TSPAN9: variants seen among roughly 807,000 people sequenced by gnomAD.
TSPAN9 encodes the protein tetraspanin 9.
A neutral mutation model predicts 31.0 loss-of-function variants in TSPAN9; 16 were observed. The observed-to-expected ratio is 0.52, with a 90% CI of 0.35 to 0.78. The LOEUF (loss-of-function observed/expected upper bound fraction) is 0.78. TSPAN9 is among the 30% of genes least tolerant of loss of function. The pLI is 0.01. For missense variants in TSPAN9, 272 were observed against 312.5 expected (o/e 0.87, Z 0.98); for synonymous variants, 145 against 121.6 (o/e 1.19, Z -1.27).
intron 2 of TSPAN9, among the ~76,000 whole-genome samples, chr12:3,130,150 G>A (rs1025788186): frequency 6.6e-6 from 1 of 152,096 alleles, no homozygotes; most frequent in African/African-American, 2.4e-5. Flanking sequence ...CGCTTCCCCC[G>A]GTGGCCAGCC....
chr12:3,155,515 C>T (rs771091119), intron 2 of TSPAN9, among the ~76,000 whole-genome samples: 1 of 152,048 alleles, frequency 6.6e-6, no homozygotes, highest in Non-Finnish European at 1.5e-5. Flanking sequence ...GGGAGGATCC[C>T]TTGAACCCAA....
At chr12:3,139,661 T>A (rs568080508) in intron 2 of TSPAN9, among the ~76,000 whole-genome samples, 1 of 152,266 alleles carries the variant, frequency 6.6e-6, no homozygotes, top group South Asian at 2.1e-4. Context: ...TTCTCCCACC[T>A]CAGCCTCCCG....
At chr12:3,217,256 G>A (rs1346089421) in intron 3 of TSPAN9, among the ~76,000 whole-genome samples, 2 of 152,196 alleles carry the variant, frequency 1.3e-5, no homozygotes, top group African/African-American at 2.4e-5. Context: ...CTGAGGTGTA[G>A]CATCCTGGGG....
intron 3 of TSPAN9, among the ~76,000 whole-genome samples, chr12:3,265,167 A>C (rs1476448903): frequency 2.0e-5 from 3 of 152,218 alleles, no homozygotes; most frequent in Non-Finnish European, 4.4e-5. Flanking sequence ...TCCCATGGGC[A>C]GGTTACTCTT....
At position 3,278,459 on chromosome 12, in the gene TSPAN9, C is replaced by T. The variant is rs1862833019; in HGVS notation, c.102C>T (p.Leu34=). Residue 34 remains leucine, a synonymous_variant, in exon 4 of 9, where the codon CTC becomes CTT. Coordinates refer to ENST00000011898, the MANE Select transcript of TSPAN9 (RefSeq NM_006675.5). ...GCGLLGVGIW[L]SVSQGNFATF... ...GGCTGCTGGGAGTGGGCATCTGGCTCTCCGTGTCCCAAGGCAACTTTGCCA... is the reference window on the plus strand; with the variant it reads ...GGCTGCTGGGAGTGGGCATCTGGCTTTCCGTGTCCCAAGGCAACTTTGCCA... 6.2e-7 allele frequency: 1 copy of T among 1,614,220 alleles called. No homozygotes were observed. Among genetic ancestry groups the T allele is most frequent in the Non-Finnish European group, 8.5e-7 (1 of 1,180,028 alleles).
chr12:3,183,410 T>G (rs971832066), intron 2 of TSPAN9, among the ~76,000 whole-genome samples: 8 of 152,158 alleles, frequency 5.3e-5, no homozygotes, highest in Non-Finnish European at 1.0e-4. Flanking sequence ...TAGGTGCAAA[T>G]GTATCTTCAG....
chr12:3,235,308 A>G (rs1325566227), intron 3 of TSPAN9, among the ~76,000 whole-genome samples: 2 of 129,684 alleles, frequency 1.5e-5, no homozygotes, highest in Admixed American at 8.1e-5. Flanking sequence ...TGAAGCGGCA[A>G]TGAGTGAACG....
intron 2 of TSPAN9, among the ~76,000 whole-genome samples, chr12:3,087,771 C>T (rs2098301380): frequency 6.6e-6 from 1 of 152,124 alleles, no homozygotes; most frequent in Non-Finnish European, 1.5e-5. Flanking sequence ...GGCCACTGCA[C>T]TCCAGCCTGG....
intron 2 of TSPAN9, among the ~76,000 whole-genome samples, chr12:3,133,721 G>T (rs2153967169): frequency 6.6e-6 from 1 of 152,320 alleles, no homozygotes; most frequent in Admixed American, 6.5e-5. Context: ...GTGCAAACTT[G>T]AATAAGGGGT....
intron 2 of TSPAN9, among the ~76,000 whole-genome samples, chr12:3,184,704 C>T (rs2098360266): frequency 6.6e-6 from 1 of 152,230 alleles, no homozygotes; most frequent in Non-Finnish European, 1.5e-5. Flanking sequence ...GTGACCCGTC[C>T]TGCCCTGCAT....
rs530174978 is a variant in TSPAN9, at chr12:3,174,570, T to A, written c.-17-26607T>A. 1.1e-4 allele frequency among the ~76,000 whole-genome samples: 16 copies of A among 152,300 alleles called. No homozygotes were observed. In the South Asian group the frequency reaches 2.9e-3, roughly 28 times the overall value. On this transcript the variant is annotated intron_variant, in intron 2 of 8. Coordinates refer to ENST00000011898, the MANE Select transcript of TSPAN9 (RefSeq NM_006675.5). Reference sequence around the variant, plus strand: ...ACCTGGCCTTCAGCTGTGGCTTTTTTAAATTTTATTTTTATTTATTTTTAT... The same window carrying A: ...ACCTGGCCTTCAGCTGTGGCTTTTTAAAATTTTATTTTTATTTATTTTTAT...
rs1472260810 is a variant in TSPAN9, at chr12:3,285,313, T to C, written c.*2197T>C. On this transcript the variant is annotated 3_prime_UTR_variant, in exon 9 of 9. Coordinates refer to ENST00000011898, the MANE Select transcript of TSPAN9 (RefSeq NM_006675.5). ...TTATGCCTATCAATGCAATTTTTAATTTTTGTTAATATCAACAGCAAAAGC... is the reference window on the plus strand; with the variant it reads ...TTATGCCTATCAATGCAATTTTTAACTTTTGTTAATATCAACAGCAAAAGC... The C allele has an allele frequency of 1.3e-5, 2 of 152,210 alleles. No homozygotes were observed. The highest frequency in any genetic ancestry group is 2.9e-5 in the Non-Finnish European group (2 of 68,040). The allele number at this position is 152,210 out of a possible 1,614,324, so 9.4% of individuals were successfully genotyped here.
intron 2 of TSPAN9, among the ~76,000 whole-genome samples, chr12:3,162,623 A>G (rs796816551): frequency 5.4e-4 from 3 of 5,516 alleles, no homozygotes; most frequent in African/African-American, 6.7e-4. Context: ...GAATGTTTAG[A>G]AAAAAAAAAA....
At chr12:3,088,997 C>T (rs1206072417) in intron 2 of TSPAN9, among the ~76,000 whole-genome samples, 1 of 151,796 alleles carries the variant, frequency 6.6e-6, no homozygotes, top group Non-Finnish European at 1.5e-5. Context: ...CTTTGGGAGG[C>T]CGATGCAGGC....
intron 3 of TSPAN9, among the ~76,000 whole-genome samples, chr12:3,257,469 C>T (rs3782780): frequency 0.39 from 58,786 of 151,320 alleles, 13,903 homozygotes; most frequent in South Asian, 0.54. Context: ...CAGCCCCCGA[C>T]GAGCCATCCT....
rs2098337677 is a variant in TSPAN9 at position 3,147,190 on chromosome 12, A to T, written c.-17-53987A>T. 6.6e-6 allele frequency among the ~76,000 whole-genome samples: 1 copy of T among 152,096 alleles called. No individual in the cohort carries two copies. The highest frequency in any genetic ancestry group is 2.1e-4 in the South Asian group (1 of 4,830). On this transcript the variant is annotated intron_variant, in intron 2 of 8. Transcript: ENST00000011898. The surrounding 1 kb of genome is among the most constrained non-coding windows in gnomAD (Gnocchi z 4.3). ...AAGCAGGGGAGCCCTGGCCCTCTGC[A>T]GGTCACGCTCCAGCCTGGAACCCAG...
At chr12:3,227,633 C>T (rs188814223) in intron 3 of TSPAN9, among the ~76,000 whole-genome samples, 5 of 152,276 alleles carry the variant, frequency 3.3e-5, no homozygotes, top group Admixed American at 6.5e-5. Flanking sequence ...GGCTTGCGTG[C>T]CAGGCCCGGC....
chr12:3,250,809 G>T (rs980915183), intron 3 of TSPAN9, among the ~76,000 whole-genome samples: 2 of 152,218 alleles, frequency 1.3e-5, no homozygotes, highest in Non-Finnish European at 2.9e-5. Flanking sequence ...ACTGTTGGCT[G>T]CCAGGCCCGG....
At chr12:3,230,296 T>C (rs1354019509) in intron 3 of TSPAN9, among the ~76,000 whole-genome samples, 1 of 152,126 alleles carries the variant, frequency 6.6e-6, no homozygotes, top group Non-Finnish European at 1.5e-5. Context: ...AAGTTTAGTT[T>C]CCAGGACTTC....
Sources: gnomAD v4.1 joint callset for allele counts (sites outside exome capture counted in the v4.1 genomes callset) on GRCh38, gnomAD v4.1.1 for gene constraint, Gnocchi (gnomAD v3.1) non-coding constraint, MANE v1.5 for transcripts, NCBI Gene and HGNC (gene_info 2026-07-23, HGNC 2026-07-21) for gene names.